POLN: variants seen among roughly 807,000 people sequenced by gnomAD.
The protein encoded by POLN is DNA polymerase N.
A neutral mutation model predicts 113.5 loss-of-function variants in POLN; 108 were observed. The observed-to-expected ratio is 0.95, with a 90% CI of 0.81 to 1.12. The LOEUF (loss-of-function observed/expected upper bound fraction) is 1.12. POLN is among the 50% of genes most tolerant of loss of function. The pLI is 0.00. For missense variants in POLN, 1,097 were observed against 1,077.1 expected, an observed-to-expected ratio of 1.02 and a Z score of -0.26; for synonymous variants, 386 against 391.5, an observed-to-expected ratio of 0.99 and a Z score of 0.17.
chr4:2,208,861 G>T (rs990176622), intron 4 of POLN, among the ~76,000 whole-genome samples: 1 of 152,144 alleles, frequency 6.6e-6, no homozygotes, highest in African/African-American at 2.4e-5. Flanking sequence ...GGTGGCAGGC[G>T]CTTGTAATTC....
chr4:2,169,430 T>A (rs1054719702), intron 13 of POLN, among the ~76,000 whole-genome samples: 1 of 152,128 alleles, frequency 6.6e-6, no homozygotes, highest in Non-Finnish European at 1.5e-5. Context: ...GGTAGAGACC[T>A]TGACACTCAC....
In POLN at chr4:2,084,742, G is replaced by A. The variant is rs565094811; in HGVS notation, c.2197+871C>T. 3.6e-4 allele frequency among the ~76,000 whole-genome samples: 55 copies of A among 152,346 alleles called. No homozygotes were observed. The South Asian group carries it at 9.1e-3, about 25-fold the overall frequency. On this transcript the variant is annotated intron_variant, in intron 21 of 25. Coordinates refer to ENST00000511885, the MANE Select transcript of POLN (RefSeq NM_181808.4). ...TGCCGGCACCCAGAGGAAACAGGCC[G>A]CAGCATCTAAGATGCTGGTCCTGCT...
chr4:2,193,666 C>A (rs1018095552), intron 6 of POLN, among the ~76,000 whole-genome samples: 1 of 152,182 alleles, frequency 6.6e-6, no homozygotes, highest in African/African-American at 2.4e-5. Context: ...TCTCCCAGAG[C>A]TCCCCTCAAA....
At position 2,156,846 on chromosome 4, in the gene POLN, A is replaced by C. The variant is rs1418620112; in HGVS notation, c.1673T>G (p.Ile558Ser). The C allele has an allele frequency of 6.2e-7, 1 of 1,611,234 alleles. No individual in the cohort carries two copies. Among genetic ancestry groups the C allele is most frequent in the African/African-American group, 1.3e-5 (1 of 74,870 alleles). ...TCCAGTCTGATTCCATGTAGAGGAAATGGAGCCCTTTATTAGTTAAAAAGA... is the reference window on the plus strand; with the variant it reads ...TCCAGTCTGATTCCATGTAGAGGAACTGGAGCCCTTTATTAGTTAAAAAGA... ...GLLACMKKGSISSTWNQTGTV... is the reference protein window; with the variant it reads ...GLLACMKKGSSSSTWNQTGTV... Residue 558 changes from isoleucine to serine, a missense_variant, in exon 16 of 26, where the codon ATT becomes AGT. Transcript: ENST00000511885.
At chr4:2,240,464 C>A (rs1396293662) in intron 2 of POLN, 1 of 1,613,880 alleles carries the variant, frequency 6.2e-7, no homozygotes, top group Non-Finnish European at 8.5e-7. Flanking sequence ...CATTACTGAT[C>A]TTAGTGATCA....
At chr4:2,087,221 A>C (rs1730570656) in intron 20 of POLN, among the ~76,000 whole-genome samples, 1 of 152,186 alleles carries the variant, frequency 6.6e-6, no homozygotes, top group African/African-American at 2.4e-5. Flanking sequence ...AATCTCCAAT[A>C]TCTCTCTTAG....
At chr4:2,106,228 A>T (rs1323352025) in intron 19 of POLN, among the ~76,000 whole-genome samples, 1 of 152,232 alleles carries the variant, frequency 6.6e-6, no homozygotes, top group Admixed American at 6.5e-5. Flanking sequence ...CATCATTCAC[A>T]GATCCAATCT....
intron 7 of POLN, among the ~76,000 whole-genome samples, chr4:2,182,718 G>GA (rs904793992): frequency 2.0e-5 from 3 of 151,132 alleles, no homozygotes; most frequent in Admixed American, 1.3e-4. Context: ...AAACTTGTAT[G>GA]AAAAAAAATG....
chr4:2,211,808 G>A (rs1383465826), intron 4 of POLN, among the ~76,000 whole-genome samples: 1 of 152,108 alleles, frequency 6.6e-6, no homozygotes, highest in Non-Finnish European at 1.5e-5. Flanking sequence ...GTGAAGGCCT[G>A]TCTCAAACAA....
intron 16 of POLN, among the ~76,000 whole-genome samples, chr4:2,150,436 A>G (rs1029111660): frequency 1.3e-5 from 2 of 152,194 alleles, no homozygotes; most frequent in East Asian, 1.9e-4. Flanking sequence ...GGTAATCCCA[A>G]TGAAAATCTC....
intron 19 of POLN, among the ~76,000 whole-genome samples, chr4:2,119,426 C>CGG (rs1731391114): frequency 6.6e-6 from 1 of 151,220 alleles, no homozygotes; most frequent in Admixed American, 6.6e-5. Context: ...TGTGTGCACA[C>CGG]GTGTGTGTGT....
intron 16 of POLN, 36 bp downstream of exon 16, chr4:2,156,752 T>A (rs1732443492): frequency 6.4e-7 from 1 of 1,558,360 alleles, no homozygotes; most frequent in Admixed American, 1.7e-5. Context: ...GGCAGGAAAA[T>A]GGCGTTTAAC....
chr4:2,138,602 C>T (rs996504076), intron 16 of POLN, among the ~76,000 whole-genome samples: 3 of 152,108 alleles, frequency 2.0e-5, no homozygotes, highest in African/African-American at 7.2e-5. Flanking sequence ...AAAGATCTGG[C>T]TTAAAAATGG....
intron 3 of POLN, among the ~76,000 whole-genome samples, chr4:2,222,894 C>T (rs1002580698): frequency 6.6e-6 from 1 of 152,250 alleles, no homozygotes; most frequent in South Asian, 2.1e-4. Flanking sequence ...ATTGCACCCA[C>T]AACTTGTGAT....
At chr4:2,200,936 G>C (rs1733694142) in intron 5 of POLN, among the ~76,000 whole-genome samples, 1 of 152,010 alleles carries the variant, frequency 6.6e-6, no homozygotes, top group Non-Finnish European at 1.5e-5. Context: ...CCAGAGAAAG[G>C]CAAAGCCCAG....
chr4:2,079,472 G>A, intron 23 of POLN: 2 of 985,638 alleles, frequency 2.0e-6, no homozygotes, highest in Non-Finnish European at 2.4e-6. Context: ...TGGGTTGTAT[G>A]CATGGGTGAA....
chr4:2,108,397 T>C (rs1731118712), intron 19 of POLN, among the ~76,000 whole-genome samples: 1 of 152,216 alleles, frequency 6.6e-6, no homozygotes, highest in Admixed American at 6.5e-5. Flanking sequence ...CTCAATCAGA[T>C]GTGCTTAGAC....
chr4:2,155,279 A>G (rs543316428), intron 16 of POLN, among the ~76,000 whole-genome samples: 3 of 152,328 alleles, frequency 2.0e-5, no homozygotes, highest in African/African-American at 7.2e-5. Flanking sequence ...TGGTGCTGGT[A>G]TTGGTATTCA....
chr4:2,155,493 C>T (rs1289534007), intron 16 of POLN, among the ~76,000 whole-genome samples: 1 of 152,146 alleles, frequency 6.6e-6, no homozygotes, highest in East Asian at 1.9e-4. Flanking sequence ...CTGAGTGTGT[C>T]CCTCTGCCTG....
Sources: allele counts gnomAD v4.1 joint callset (sites outside exome capture counted in the v4.1 genomes callset), GRCh38; gene constraint gnomAD v4.1.1; transcripts MANE v1.5; gene names NCBI Gene and HGNC (gene_info 2026-07-23, HGNC 2026-07-21).